Variants in KIF6 observed in about 807,000 individuals in gnomAD.
The protein encoded by KIF6 is kinesin-like protein KIF6.
In KIF6, 106 loss-of-function variants were observed where a neutral mutation model predicts 112.7. The observed-to-expected ratio is 0.94, with a 90% CI of 0.80 to 1.11. The LOEUF is 1.11. Among genes scored for constraint, KIF6 ranks in the 50% least tolerant of loss-of-function variants. The probability of loss-of-function intolerance (pLI) is 0.00; values close to 1 mark genes in which losing one functional copy is unlikely to be tolerated. For missense variants in KIF6, 929 were observed against 964.0 expected (o/e 0.96, Z 0.48); for synonymous variants, 339 against 339.9 (o/e 1.00, Z 0.03).
intron 3 of KIF6, among the ~76,000 whole-genome samples, chr6:39,657,233 CA>C (rs1201000938): frequency 2.2e-4 from 25 of 115,550 alleles, no homozygotes; most frequent in Admixed American, 7.5e-4. Flanking sequence ...AACTCCATCT[CA>C]AAAAAAAAAG....
At chr6:39,684,769 G>A (rs572776717) in intron 3 of KIF6, among the ~76,000 whole-genome samples, 19 of 151,310 alleles carry the variant, frequency 1.3e-4, no homozygotes, top group Non-Finnish European at 1.9e-4. Flanking sequence ...CAGCCTGGGT[G>A]TAAGAGTGAA....
At chr6:39,687,982 A>G (rs1346741800) in intron 3 of KIF6, among the ~76,000 whole-genome samples, 2 of 152,208 alleles carry the variant, frequency 1.3e-5, no homozygotes, top group Non-Finnish European at 2.9e-5. Flanking sequence ...GGGAACCACA[A>G]AGCATAGTGC....
At chr6:39,595,268 C>A (rs571473936) in intron 7 of KIF6, among the ~76,000 whole-genome samples, 27 of 152,156 alleles carry the variant, frequency 1.8e-4, no homozygotes, top group Non-Finnish European at 3.1e-4. Flanking sequence ...TTTACACCAA[C>A]TACTAAATTT....
chr6:39,599,589 CTG>C (rs1192291092), intron 6 of KIF6, among the ~76,000 whole-genome samples: 2 of 152,200 alleles, frequency 1.3e-5, no homozygotes, highest in African/African-American at 4.8e-5. Flanking sequence ...CAGCAAATAA[CTG>C]TGCATGTAAA....
At chr6:39,724,673 G>T (rs972177491) in intron 1 of KIF6, among the ~76,000 whole-genome samples, 8 of 152,138 alleles carry the variant, frequency 5.3e-5, no homozygotes, top group Non-Finnish European at 1.0e-4. Context: ...ATATGTAAAG[G>T]TTCACGTTTA....
Position 39,725,260 on chromosome 6 carries a change from C to T in KIF6, c.51G>A (p.Arg17=), listed in dbSNP as rs749635452. 1 of 1,610,090 alleles carries T rather than the reference C, an allele frequency of 6.2e-7. No homozygotes were observed. The highest frequency in any genetic ancestry group is 8.5e-7 in the Non-Finnish European group (1 of 1,178,482). Residue 17 remains arginine, a synonymous_variant, in exon 1 of 23, where the codon CGG becomes CGA. Transcript: ENST00000287152. ...QIFARVKPPV[R]KHQQGIYSID... Reference sequence around the variant, plus strand: ...CAGCCCGTACCCCTTGTTGGTGCTTCCGGACAGGGGGCTTCACCCTCGCGA... The same window carrying T: ...CAGCCCGTACCCCTTGTTGGTGCTTTCGGACAGGGGGCTTCACCCTCGCGA...
At chr6:39,626,833 G>C (rs1476968950) in intron 5 of KIF6, among the ~76,000 whole-genome samples, 1 of 152,098 alleles carries the variant, frequency 6.6e-6, no homozygotes, top group Admixed American at 6.6e-5. Context: ...AATCATCCCA[G>C]GTGATTCTTA....
intron 3 of KIF6, among the ~76,000 whole-genome samples, chr6:39,647,004 A>G (rs1009827966): frequency 6.6e-6 from 1 of 152,210 alleles, no homozygotes; most frequent in South Asian, 2.1e-4. Flanking sequence ...AAATACGGTA[A>G]ATGACTCCTA....
chr6:39,508,668 C>T (rs938697380), intron 13 of KIF6, among the ~76,000 whole-genome samples: 38 of 152,140 alleles, frequency 2.5e-4, no homozygotes, highest in Admixed American at 2.1e-3. Flanking sequence ...GAGGGGCTTC[C>T]GCCATTGATG....
At chr6:39,448,980 A>C (rs1403300082) in intron 13 of KIF6, among the ~76,000 whole-genome samples, 1 of 152,176 alleles carries the variant, frequency 6.6e-6, no homozygotes, top group Admixed American at 6.5e-5. Flanking sequence ...AAATCCTAAG[A>C]TTCTTCCATG....
intron 13 of KIF6, among the ~76,000 whole-genome samples, chr6:39,523,649 T>C (rs1777528358): frequency 8.0e-4 from 2 of 2,494 alleles, no homozygotes; most frequent in Non-Finnish European, 1.5e-3. Context: ...TTCTGCCATA[T>C]ATATATATAT....
intron 10 of KIF6, among the ~76,000 whole-genome samples, chr6:39,573,513 G>C (rs1780757722): frequency 6.6e-6 from 1 of 152,174 alleles, no homozygotes; most frequent in African/African-American, 2.4e-5. Flanking sequence ...TGTCAGTTGT[G>C]AACGAGTGCC....
intron 13 of KIF6, among the ~76,000 whole-genome samples, chr6:39,492,085 A>C (rs1327597264): frequency 1.3e-5 from 2 of 152,194 alleles, no homozygotes; most frequent in African/African-American, 4.8e-5. Flanking sequence ...CGAGACTGTA[A>C]GATTCTTTAT....
chr6:39,548,123 A>G (rs1327003067), intron 10 of KIF6, among the ~76,000 whole-genome samples: 1 of 152,220 alleles, frequency 6.6e-6, no homozygotes, highest in Non-Finnish European at 1.5e-5. Flanking sequence ...GTAATGGTTA[A>G]TCAATTCTTT....
At chr6:39,382,110 A>T (rs191931472) in intron 16 of KIF6, among the ~76,000 whole-genome samples, 1 of 152,326 alleles carries the variant, frequency 6.6e-6, no homozygotes, top group Non-Finnish European at 1.5e-5. Flanking sequence ...CCGAAGATGA[A>T]AATTGCCCCT....
intron 13 of KIF6, among the ~76,000 whole-genome samples, chr6:39,482,103 T>C (rs777199027): frequency 6.6e-6 from 1 of 151,764 alleles, no homozygotes. Flanking sequence ...TTCTGGGTCT[T>C]ACTAAGAAGA....
At chr6:39,498,550 C>T (rs1391962816) in intron 13 of KIF6, among the ~76,000 whole-genome samples, 4 of 152,022 alleles carry the variant, frequency 2.6e-5, no homozygotes, top group Non-Finnish European at 5.9e-5. Flanking sequence ...CCTTTGTGGG[C>T]CATATGGTCA....
At chr6:39,654,636 C>G (rs945209639) in intron 3 of KIF6, among the ~76,000 whole-genome samples, 1 of 152,220 alleles carries the variant, frequency 6.6e-6, no homozygotes, top group African/African-American at 2.4e-5. Flanking sequence ...TTAAAGTCTC[C>G]TTTGAATATA....
At chr6:39,539,937 A>G in intron 13 of KIF6, 66 bp downstream of exon 13, 2 of 1,197,882 alleles carry the variant, frequency 1.7e-6, no homozygotes, top group East Asian at 4.8e-5. Context: ...TACATGTAAA[A>G]CTAAAGGGTG....
Sources: gnomAD v4.1 joint callset for allele counts (sites outside exome capture counted in the v4.1 genomes callset) on GRCh38, gnomAD v4.1.1 for gene constraint, MANE v1.5 for transcripts, NCBI Gene and HGNC (gene_info 2026-07-23, HGNC 2026-07-21) for gene names.